Variants in ABCA4 observed in about 807,000 individuals in gnomAD.
ABCA4 encodes ATP binding cassette subfamily A member 4.
In ABCA4, 196 loss-of-function variants were observed where a neutral mutation model predicts 263.7. The observed-to-expected ratio is 0.74, with a 90% confidence interval of 0.66 to 0.84. The LOEUF (loss-of-function observed/expected upper bound fraction) is 0.84, where lower values mean the gene tolerates loss of function less well. Among genes scored for constraint, ABCA4 ranks in the 40% least tolerant of loss-of-function variants. The probability of loss-of-function intolerance (pLI) is 0.00; values close to 1 mark genes in which losing one functional copy is unlikely to be tolerated. For synonymous variants in ABCA4, 1,133 were observed against 1,094.2 expected (o/e 1.04, Z -0.70); for missense variants, 2,792 against 2,855.1 (o/e 0.98, Z 0.50).
rs1455639113 is a variant in ABCA4 at position 94,008,218 on chromosome 1, G to A, written c.5898+17C>T. ...GATGTTCGGAAGCCTTTCACACGTG[G>A]TCTGCAGAGTACCCACCTCTCCAGG... On this transcript the variant is annotated intron_variant, in intron 42 of 49. Transcript: ENST00000370225. 1 of 1,613,342 alleles carries A rather than the reference G, an allele frequency of 6.2e-7. No homozygotes were observed. The highest frequency in any genetic ancestry group is 8.5e-7 in the Non-Finnish European group (1 of 1,179,422).
Position 94,012,491 on chromosome 1 carries a change from A to G in ABCA4, c.5461-1106T>C, listed in dbSNP as rs112859531. Among the ~76,000 whole-genome samples the G allele has an allele frequency of 8.3e-3, 1,264 of 152,246 alleles. 24 individuals are homozygous for G. The highest frequency in any genetic ancestry group is 0.029 in the African/African-American group (1,214 of 41,554). ...TTTTAAAAATCTGCCTACTTTCTCT[A>G]CTAGTCAGTGGGCCCCTGGAGGGTG... On this transcript the variant is annotated intron_variant, in intron 38 of 49. Transcript: ENST00000370225.
rs1388384690 is a variant in ABCA4 at position 94,108,734 on chromosome 1, C to G, written c.303-18G>C. The stretch of plus-strand genomic sequence containing the variant: ...TTGCCAAGCTGTAAGGACAAAGCCT[C>G]ATTAATAAGGAAATAGCTGTTATTT... On this transcript the variant is annotated intron_variant, in intron 3 of 49. Coordinates refer to ENST00000370225, the MANE Select transcript of ABCA4 (RefSeq NM_000350.3). The G allele has an allele frequency of 6.2e-7, 1 of 1,613,424 alleles. No individual in the cohort carries two copies. Among genetic ancestry groups the G allele is most frequent in the Non-Finnish European group, 8.5e-7 (1 of 1,179,790 alleles).
chr1:94,001,738 A>C (rs1659189453), intron 45 of ABCA4, 120 bp downstream of exon 45: 2 of 1,414,686 alleles, frequency 1.4e-6, no homozygotes, highest in East Asian at 2.3e-5. Flanking sequence ...CACAGGAAAC[A>C]GTCCAGACTA....
At chr1:94,120,225 C>T (rs956644277) in intron 1 of ABCA4, among the ~76,000 whole-genome samples, 3 of 152,300 alleles carry the variant, frequency 2.0e-5, no homozygotes, top group African/African-American at 7.2e-5. Flanking sequence ...TTATGTTGCT[C>T]TTGGTCTCCA....
intron 38 of ABCA4, 51 bp from the exon 39 acceptor site, chr1:94,011,436 T>A (rs535400633): frequency 6.9e-6 from 7 of 1,018,206 alleles, no homozygotes; most frequent in Non-Finnish European, 8.5e-6. Context: ...CCACCCCCCC[T>A]CTCTTCAGCA....
chr1:94,043,321 T>G lies in ABCA4; in HGVS notation c.3190+15A>C. On this transcript the variant is annotated intron_variant, in intron 21 of 49. Coordinates refer to ENST00000370225, the MANE Select transcript of ABCA4 (RefSeq NM_000350.3). Reference sequence around the variant, plus strand: ...TTTGCCATCTGTGGCCCTGTCTCCATCCAGCTCTGAGCACCTGATAGGTCC... The same window carrying G: ...TTTGCCATCTGTGGCCCTGTCTCCAGCCAGCTCTGAGCACCTGATAGGTCC... The G allele has an allele frequency of 6.2e-7, 1 of 1,613,970 alleles. No homozygotes were observed. Among genetic ancestry groups the G allele is most frequent in the South Asian group, 1.1e-5 (1 of 91,070 alleles).
chr1:94,063,799 A>G lies in ABCA4; in HGVS notation c.1555-482T>C, dbSNP rs192102298. ...ACACAGGATGGCCAGCTGAGGGAAG[A>G]GCAAGGAGGAAGAGAGAAAATAACA... On this transcript the variant is annotated intron_variant, in intron 11 of 49. Coordinates refer to ENST00000370225, the MANE Select transcript of ABCA4 (RefSeq NM_000350.3). 6.7e-3 allele frequency among the ~76,000 whole-genome samples: 1,028 copies of G among 152,332 alleles called. 7 individuals carry two copies. Among genetic ancestry groups the G allele is most frequent in the Non-Finnish European group, 0.011 (739 of 68,032 alleles).
At position 94,044,736 on chromosome 1, in the gene ABCA4, A is replaced by T; in HGVS notation, c.2927T>A (p.Leu976Gln). ...GAGKTTTLSI[L>Q]TGLLPPTSGT... ...AGAGGTTGGTGGCAACAGACCCGTC[A>T]GGATGGACCTGCAGAACACAGGCGT... The change falls in exon 20 of 50, where the codon CTG (leucine) becomes CAG (glutamine). Residue 976 changes from leucine to glutamine, a missense_variant. By Grantham distance (113) the Leu-to-Gln change is moderately radical (BLOSUM62 -2). Transcript: ENST00000370225. 1 of 1,614,242 alleles carries T rather than the reference A, an allele frequency of 6.2e-7. No individual in the cohort carries two copies. Among genetic ancestry groups the T allele is most frequent in the Non-Finnish European group, 8.5e-7 (1 of 1,180,032 alleles).
intron 6 of ABCA4, among the ~76,000 whole-genome samples, chr1:94,095,350 G>T (rs1662095712): frequency 6.6e-6 from 1 of 151,776 alleles, no homozygotes; most frequent in Non-Finnish European, 1.5e-5. Context: ...CACACCCCCA[G>T]CTCCTGACTC....
chr1:94,104,981 ACACACACATGCACACATG>A (rs1662391234), intron 4 of ABCA4, among the ~76,000 whole-genome samples: 2 of 151,964 alleles, frequency 1.3e-5, no homozygotes, highest in South Asian at 4.1e-4. Flanking sequence ...ACACACATGC[ACACACACATGCACACATG>A]CGCACACATG....
intron 11 of ABCA4, among the ~76,000 whole-genome samples, chr1:94,071,164 C>A (rs962592513): frequency 6.6e-6 from 1 of 152,152 alleles, no homozygotes; most frequent in Non-Finnish European, 1.5e-5. Context: ...CTCTGAGATA[C>A]CACTATTATG....
Position 94,011,289 on chromosome 1 carries a change from C to T in ABCA4, c.5557G>A (p.Ala1853Thr). 1 of 1,613,984 alleles carries T rather than the reference C, an allele frequency of 6.2e-7. No individual in the cohort carries two copies. The highest frequency in any genetic ancestry group is 1.7e-5 in the Admixed American group (1 of 60,004). The change falls in exon 39 of 50, where the codon GCT becomes ACT. Residue 1853 changes from alanine (A) to threonine (T), a missense_variant. Physicochemically the swap from Ala to Thr is moderately conservative, Grantham distance 58 (BLOSUM62 0). Transcript: ENST00000370225. ...RGLIDLALSQ[A>T]VTDVYARFGE... ...AACCGGGCATAGACATCTGTCACAG[C>T]CTGGCTCAGTGCAAGGTCAATGAGG...
intron 6 of ABCA4, among the ~76,000 whole-genome samples, chr1:94,097,028 C>T (rs186749694): frequency 2.0e-5 from 3 of 152,198 alleles, no homozygotes; most frequent in African/African-American, 7.2e-5. Flanking sequence ...GAATAAGGGA[C>T]CTTTGTTGCC....
At position 94,029,509 on chromosome 1, in the gene ABCA4, G is replaced by A. The variant is rs1660137801; in HGVS notation, c.4475C>T (p.Thr1492Ile). 6.2e-7 allele frequency: 1 copy of A among 1,603,254 alleles called. No homozygotes were observed. The highest frequency in any genetic ancestry group is 8.5e-7 in the Non-Finnish European group (1 of 1,174,234). The change falls in exon 30 of 50, where the codon ACC (threonine) becomes ATC (isoleucine). Residue 1492 changes from threonine to isoleucine, a missense_variant. Transcript: ENST00000370225. ...VNPSPSCRCS[T>I]REKLTMLPEC... ...TGGCAGCATGGTGAGCTTCTCCCTGGTGCTGCACCTGCAGGATGGTGAAGG... is the reference window on the plus strand; with the variant it reads ...TGGCAGCATGGTGAGCTTCTCCCTGATGCTGCACCTGCAGGATGGTGAAGG...
rs753058962 is a variant in ABCA4 at position 94,062,632 on chromosome 1, C to T, written c.1882G>A (p.Ala628Thr). 9.9e-6 allele frequency: 16 copies of T among 1,614,050 alleles called. No homozygotes were observed. In the South Asian group the frequency reaches 1.5e-4, roughly 16 times the overall value. ...TGCTGGAGGTAGATTCCAACTGGAG[C>T]CTCCGCCTGCACCTGGCTCCTTGTG... ...GITRSQVQAE[A>T]PVGIYLQQMP... Residue 628 changes from alanine (A) to threonine (T), a missense_variant, in exon 13 of 50, where the codon GCT becomes ACT. Transcript: ENST00000370225.
intron 22 of ABCA4, 82 bp from the exon 23 acceptor site, chr1:94,041,484 C>T: frequency 6.8e-7 from 1 of 1,481,386 alleles, no homozygotes; most frequent in Non-Finnish European, 9.3e-7. Flanking sequence ...AATTTCCTGG[C>T]TATATAGTTG....
At chr1:94,027,005 T>G (rs1660058505) in intron 30 of ABCA4, among the ~76,000 whole-genome samples, 1 of 145,920 alleles carries the variant, frequency 6.9e-6, no homozygotes, top group African/African-American at 2.6e-5. Context: ...TGAGAAAGAG[T>G]GAGAGAGTGA....
Position 94,070,998 on chromosome 1 carries a change from C to T in ABCA4, c.1554+6692G>A, listed in dbSNP as rs148929733. On this transcript the variant is annotated intron_variant, in intron 11 of 49. Coordinates refer to ENST00000370225, the MANE Select transcript of ABCA4 (RefSeq NM_000350.3). ...GCAAACAGCTAAGAGAGACAGTACA[C>T]GCTTCTGTAAATGGAGGCCATAAAT... is the stretch of plus-strand genomic sequence containing the variant. Among the ~76,000 whole-genome samples, 112 of 152,226 alleles carry T rather than the reference C, an allele frequency of 7.4e-4. 1 individual carries two copies. Among genetic ancestry groups the T allele is most frequent in the African/African-American group, 2.3e-3 (95 of 41,530 alleles).
intron 1 of ABCA4, among the ~76,000 whole-genome samples, chr1:94,119,403 G>T (rs746596110): frequency 6.6e-6 from 1 of 152,132 alleles, no homozygotes; most frequent in Non-Finnish European, 1.5e-5. Context: ...GCCACACACA[G>T]GTTTTGGAGC....
Sources: gnomAD v4.1 joint callset for allele counts (sites outside exome capture counted in the v4.1 genomes callset) on GRCh38, gnomAD v4.1.1 for gene constraint, MANE v1.5 for transcripts, NCBI Gene and HGNC (gene_info 2026-07-23, HGNC 2026-07-21) for gene names.